Variants in SMAD5 observed in about 807,000 individuals in gnomAD.
SMAD5 encodes the protein MAD, mothers against decapentaplegic homolog 5.
In SMAD5, 9 loss-of-function variants were observed where a neutral mutation model predicts 43.1. That is an observed-to-expected ratio of 0.21 (90% CI 0.13 to 0.36). SMAD5 has a LOEUF of 0.36. Ranked by LOEUF, SMAD5 falls within the 10% of genes least tolerant of loss-of-function variation. SMAD5 has a pLI of 1.00. For missense variants in SMAD5, 348 were observed against 574.0 expected, an observed-to-expected ratio of 0.61 and a Z score of 4.02; for synonymous variants, 190 against 192.4, an observed-to-expected ratio of 0.99 and a Z score of 0.10.
In SMAD5 at chr5:136,166,898, A is replaced by T. The variant is rs564529496; in HGVS notation, c.775+3507A>T. On this transcript the variant is annotated intron_variant, in intron 5 of 7. Coordinates refer to ENST00000545279, the MANE Select transcript of SMAD5 (RefSeq NM_005903.7). ...CATTGGAATGTAATTTGTCTCAACCAAACAACTGAGCCCCTTTAGAGGAAC... is the reference window on the plus strand; with the variant it reads ...CATTGGAATGTAATTTGTCTCAACCTAACAACTGAGCCCCTTTAGAGGAAC... 4.6e-5 allele frequency among the ~76,000 whole-genome samples: 7 copies of T among 152,332 alleles called. No homozygotes were observed. In the East Asian group the frequency reaches 1.4e-3, roughly 29 times the overall value.
chr5:136,140,313 A>G (rs1159171340), intron 1 of SMAD5, among the ~76,000 whole-genome samples: 1 of 152,164 alleles, frequency 6.6e-6, no homozygotes, highest in African/African-American at 2.4e-5. Context: ...GTCGAGAACT[A>G]TCATGTCTGT....
rs1395983779 is a variant in SMAD5, at chr5:136,164,610, G to GAT, written c.775+1222_775+1223dup. Among the ~76,000 whole-genome samples, 40 of 152,202 alleles carry GAT rather than the reference G, an allele frequency of 2.6e-4. 1 individual carries two copies. The highest frequency in any genetic ancestry group is 3.4e-3 in the Middle Eastern group (1 of 294). ...TTGTAAGAATTTTTTGTATATTCTG[G>GAT]ATATGAATCCTTTATCAGATATATG... On this transcript the variant is annotated intron_variant, in intron 5 of 7. Coordinates refer to ENST00000545279, the MANE Select transcript of SMAD5 (RefSeq NM_005903.7).
intron 7 of SMAD5, among the ~76,000 whole-genome samples, chr5:136,175,678 C>T (rs1754391069): frequency 6.6e-6 from 1 of 152,176 alleles, no homozygotes; most frequent in Admixed American, 6.5e-5. Context: ...AAGAAGAGCA[C>T]CTGTCACACG....
At chr5:136,155,536 G>T (rs11740635) in intron 3 of SMAD5, among the ~76,000 whole-genome samples, 1 of 152,124 alleles carries the variant, frequency 6.6e-6, no homozygotes, top group Non-Finnish European at 1.5e-5. Context: ...AATCATGTCA[G>T]TTCCTACTGA....
chr5:136,174,105 A>C (rs951290373), intron 6 of SMAD5, among the ~76,000 whole-genome samples: 2 of 151,766 alleles, frequency 1.3e-5, no homozygotes, highest in African/African-American at 4.8e-5. Context: ...TCTCATAGAG[A>C]TGATAAATGA....
intron 5 of SMAD5, among the ~76,000 whole-genome samples, chr5:136,166,971 TTTC>T (rs1754039382): frequency 6.6e-6 from 1 of 152,206 alleles, no homozygotes; most frequent in South Asian, 2.1e-4. Context: ...TTCACTAGAA[TTTC>T]TTCTCATTTC....
intron 3 of SMAD5, among the ~76,000 whole-genome samples, chr5:136,158,823 C>T (rs188355322): frequency 6.6e-5 from 10 of 151,788 alleles, no homozygotes; most frequent in South Asian, 4.2e-4. Flanking sequence ...GGCGTGAACC[C>T]GGGAGGTGGA....
rs1041256885 is a variant in SMAD5 at position 136,161,067 on chromosome 5, C to T, written c.615C>T (p.Ser205=). ...CTGCTAGCAGCACATATCCCAACTC[C>T]CCAGCAAGTTCTGGACCAGGAAGTC... ...PSPASSTYPN[S]PASSGPGSPF... is the part of the protein sequence containing the mutation. Residue 205 remains serine (S), a synonymous_variant, in exon 4 of 8, where the codon TCC becomes TCT. Transcript: ENST00000545279. 2 of 1,613,854 alleles carry T rather than the reference C, an allele frequency of 1.2e-6. No individual in the cohort carries two copies. Among genetic ancestry groups the T allele is most frequent in the South Asian group, 1.1e-5 (1 of 91,076 alleles).
rs1025100656 is a variant in SMAD5 at position 136,157,688 on chromosome 5, G to A, written c.404-3168G>A. On this transcript the variant is annotated intron_variant, in intron 3 of 7. Transcript: ENST00000545279. ...CCTATGAGAATCTCATGCTGCTACT[G>A]ATCTGACAGGAGGCGGAGTTCAGGC... is the stretch of plus-strand genomic sequence containing the variant. Among the ~76,000 whole-genome samples, 3 of 152,160 alleles carry A rather than the reference G, an allele frequency of 2.0e-5. No homozygotes were observed. The South Asian group carries it at 6.2e-4, about 32-fold the overall frequency.
chr5:136,172,409 C>G (rs1235856793), intron 5 of SMAD5, 25 bp from the exon 6 acceptor site: 1 of 1,398,460 alleles, frequency 7.2e-7, no homozygotes. Context: ...GTATTAAACT[C>G]TTTCTGTGTC....
intron 5 of SMAD5, among the ~76,000 whole-genome samples, chr5:136,168,367 A>G (rs1456949014): frequency 6.6e-6 from 1 of 151,092 alleles, no homozygotes; most frequent in African/African-American, 2.5e-5. Context: ...ATATACCTCT[A>G]TTTACCCAAA....
At chr5:136,143,538 C>T (rs1269303267) in intron 1 of SMAD5, among the ~76,000 whole-genome samples, 2 of 152,032 alleles carry the variant, frequency 1.3e-5, no homozygotes, top group Non-Finnish European at 2.9e-5. Flanking sequence ...TTGTGCCTTT[C>T]CCTTTTGCTT....
chr5:136,157,597 T>C (rs1753681969), intron 3 of SMAD5, among the ~76,000 whole-genome samples: 2 of 152,176 alleles, frequency 1.3e-5, no homozygotes, highest in South Asian at 4.1e-4. Context: ...CATCAGGCAT[T>C]AGATTCTCAT....
intron 1 of SMAD5, among the ~76,000 whole-genome samples, chr5:136,138,561 A>G (rs772598792): frequency 2.0e-5 from 3 of 152,192 alleles, no homozygotes; most frequent in Non-Finnish European, 4.4e-5. Flanking sequence ...GCAGTTGTAT[A>G]CATGGATCTA....
At chr5:136,139,197 G>T (rs1380339633) in intron 1 of SMAD5, among the ~76,000 whole-genome samples, 10 of 151,190 alleles carry the variant, frequency 6.6e-5, no homozygotes, top group African/African-American at 1.9e-4. Flanking sequence ...TGTGTCTCGG[G>T]GTGGGTATTG....
intron 5 of SMAD5, among the ~76,000 whole-genome samples, chr5:136,164,794 C>T (rs1753941662): frequency 6.6e-6 from 1 of 152,020 alleles, no homozygotes; most frequent in African/African-American, 2.4e-5. Flanking sequence ...TTTTGTCTAT[C>T]CCAAGGTCAT....
rs184986535 is a variant in SMAD5 at position 136,144,454 on chromosome 5, C to T, written c.-244-3378C>T. On this transcript the variant is annotated intron_variant, in intron 1 of 7. Coordinates refer to ENST00000545279, the MANE Select transcript of SMAD5 (RefSeq NM_005903.7). ...GATTATGTTATTGAAATAAGATTAACATTTATAAACAACTGTTTTACAATA... is the reference window on the plus strand; with the variant it reads ...GATTATGTTATTGAAATAAGATTAATATTTATAAACAACTGTTTTACAATA... Among the ~76,000 whole-genome samples, 156 of 151,972 alleles carry T rather than the reference C, an allele frequency of 1.0e-3. 1 individual carries two copies. The highest frequency in any genetic ancestry group is 3.1e-4 in the Non-Finnish European group (21 of 67,914).
chr5:136,148,848 GATTTT>G, intron 2 of SMAD5, among the ~76,000 whole-genome samples: 1 of 151,940 alleles, frequency 6.6e-6, no homozygotes, highest in African/African-American at 2.4e-5. Flanking sequence ...AATAGGGACT[GATTTT>G]ATAAGTGATC....
At chr5:136,163,233 C>A in intron 4 of SMAD5, 39 bp from the exon 5 acceptor site, 2 of 1,550,580 alleles carry the variant, frequency 1.3e-6, no homozygotes, top group Admixed American at 1.9e-5. Context: ...TAATTTTGAG[C>A]AGAATGAAGA....
Sources: allele counts gnomAD v4.1 joint callset (sites outside exome capture counted in the v4.1 genomes callset), GRCh38; gene constraint gnomAD v4.1.1; transcripts MANE v1.5; gene names NCBI Gene and HGNC (gene_info 2026-07-23, HGNC 2026-07-21).